TBC1D22A: variants seen among roughly 807,000 people sequenced by gnomAD.
TBC1D22A encodes the protein TBC1 domain family member 22A.
TBC1D22A carries 38 observed loss-of-function variants against 60.2 expected under a neutral mutation model. The observed-to-expected ratio is 0.63, with a 90% CI of 0.49 to 0.83. TBC1D22A has a LOEUF of 0.83. Among genes scored for constraint, TBC1D22A ranks in the 40% least tolerant of loss-of-function variants. TBC1D22A has a pLI of 0.00. For missense variants in TBC1D22A, 628 were observed against 701.0 expected (o/e 0.90, Z 1.18); for synonymous variants, 302 against 281.7 (o/e 1.07, Z -0.72).
chr22:46,786,199 T>C (rs2084152747), intron 1 of TBC1D22A, among the ~76,000 whole-genome samples: 1 of 152,240 alleles, frequency 6.6e-6, no homozygotes, highest in Non-Finnish European at 1.5e-5. Flanking sequence ...AATTCCTAGT[T>C]TGTTGATAAT....
At chr22:47,156,197 A>AGGT (rs1433233938) in intron 12 of TBC1D22A, among the ~76,000 whole-genome samples, 1 of 152,236 alleles carries the variant, frequency 6.6e-6, no homozygotes, top group Non-Finnish European at 1.5e-5. Flanking sequence ...GGAAGGTGAC[A>AGGT]GGTAGTGTCT....
At chr22:47,136,830 G>T (rs1479776990) in intron 12 of TBC1D22A, among the ~76,000 whole-genome samples, 1 of 152,134 alleles carries the variant, frequency 6.6e-6, no homozygotes, top group Non-Finnish European at 1.5e-5. Context: ...GACCCCTCTT[G>T]CACCCTGTTG....
At chr22:46,941,677 A>ATG (rs1315829952) in intron 8 of TBC1D22A, among the ~76,000 whole-genome samples, 4 of 146,676 alleles carry the variant, frequency 2.7e-5, no homozygotes, top group Admixed American at 6.9e-5. Context: ...GAATATATAT[A>ATG]CGGAATATAT....
Position 46,793,481 on chromosome 22 carries a change from A to C in TBC1D22A, c.120-20A>C. The C allele has an allele frequency of 6.2e-7, 1 of 1,613,730 alleles. No individual in the cohort carries two copies. Among genetic ancestry groups the C allele is most frequent in the Non-Finnish European group, 8.5e-7 (1 of 1,179,752 alleles). ...GAAGCCTTCGAGCATGTACGAGTAA[A>C]GACTGCCTTTGCATTGCAGTTTGCT... is the stretch of plus-strand genomic sequence containing the variant. On this transcript the variant is annotated intron_variant, in intron 2 of 12. Coordinates refer to ENST00000337137, the MANE Select transcript of TBC1D22A (RefSeq NM_014346.5).
intron 11 of TBC1D22A, among the ~76,000 whole-genome samples, chr22:47,043,233 G>C (rs960908176): frequency 1.3e-5 from 2 of 152,246 alleles, no homozygotes; most frequent in Non-Finnish European, 2.9e-5. Context: ...GTCCTGAATT[G>C]AGATCTGTGC....
chr22:47,024,404 TTTAA>T (rs1404990534), intron 10 of TBC1D22A, among the ~76,000 whole-genome samples: 1 of 152,210 alleles, frequency 6.6e-6, no homozygotes, highest in Non-Finnish European at 1.5e-5. Context: ...ATCTAGACAC[TTTAA>T]TTAAAAGGCA....
At chr22:46,817,260 C>CTTTTTTTTT (rs139583) in intron 4 of TBC1D22A, among the ~76,000 whole-genome samples, 1 of 148,326 alleles carries the variant, frequency 6.7e-6, no homozygotes. Flanking sequence ...CTAGGTTGTC[C>CTTTTTTTTT]TTTTTTTTTT....
intron 9 of TBC1D22A, among the ~76,000 whole-genome samples, chr22:46,997,077 C>T (rs1326359582): frequency 1.3e-5 from 2 of 152,192 alleles, no homozygotes; most frequent in African/African-American, 4.8e-5. Context: ...GCAGACCTTC[C>T]TATGTTAGTG....
chr22:47,168,745 A>G (rs2147227701), intron 12 of TBC1D22A, among the ~76,000 whole-genome samples: 1 of 125,820 alleles, frequency 7.9e-6, no homozygotes, highest in South Asian at 2.6e-4. Context: ...TCACCGTCTC[A>G]CCCTTCCTGG....
rs9615435 is a variant in TBC1D22A, at chr22:46,995,033, C to T, written c.1126-2601C>T. Among the ~76,000 whole-genome samples the T allele has an allele frequency of 2.6e-3, 391 of 152,364 alleles. 4 individuals carry two copies. Among genetic ancestry groups the T allele is most frequent in the Non-Finnish European group, 3.5e-3 (235 of 68,032 alleles). On this transcript the variant is annotated intron_variant, in intron 9 of 12. Coordinates refer to ENST00000337137, the MANE Select transcript of TBC1D22A (RefSeq NM_014346.5). Reference sequence around the variant, plus strand: ...CAGCCGGACAGGTGCCTGGGTCTCACTGACACCATCGCAGCTCCTTCAGGG... The same window carrying T: ...CAGCCGGACAGGTGCCTGGGTCTCATTGACACCATCGCAGCTCCTTCAGGG...
intron 4 of TBC1D22A, among the ~76,000 whole-genome samples, chr22:46,810,242 A>G (rs950886038): frequency 2.0e-5 from 3 of 152,240 alleles, no homozygotes; most frequent in African/African-American, 7.2e-5. Context: ...TAAAACATTT[A>G]CAGTGGTTCC....
At chr22:46,997,552 T>G in intron 9 of TBC1D22A, 82 bp from the exon 10 acceptor site, 1 of 1,143,040 alleles carries the variant, frequency 8.7e-7, no homozygotes, top group Non-Finnish European at 1.3e-6. Context: ...AGCTGTTCAC[T>G]TTATCCCAGC....
chr22:46,943,406 A>G (rs2072301951), intron 8 of TBC1D22A, among the ~76,000 whole-genome samples: 1 of 152,224 alleles, frequency 6.6e-6, no homozygotes, highest in African/African-American at 2.4e-5. Context: ...CCCAAGGCAG[A>G]CAAAGAATTT....
chr22:46,873,379 A>G (rs556967505), intron 4 of TBC1D22A, among the ~76,000 whole-genome samples: 94 of 152,356 alleles, frequency 6.2e-4, no homozygotes, highest in African/African-American at 2.2e-3. Context: ...GGCTAAAATA[A>G]AAAGACTGAC....
intron 7 of TBC1D22A, among the ~76,000 whole-genome samples, chr22:46,904,130 T>C (rs367726095): frequency 9.2e-4 from 89 of 96,774 alleles, no homozygotes; most frequent in African/African-American, 4.2e-3. Flanking sequence ...TATCTATCTA[T>C]CTATCTATCT....
chr22:46,887,725 G>A (rs548984446), intron 5 of TBC1D22A, among the ~76,000 whole-genome samples: 19 of 152,308 alleles, frequency 1.2e-4, no homozygotes, highest in African/African-American at 4.3e-4. Flanking sequence ...GTGATGGTCT[G>A]GCTTTGACCT....
chr22:46,834,779 C>G (rs1276278027), intron 4 of TBC1D22A, among the ~76,000 whole-genome samples: 1 of 152,220 alleles, frequency 6.6e-6, no homozygotes, highest in Non-Finnish European at 1.5e-5. Flanking sequence ...GACACCCCCA[C>G]CTAGCCCACA....
At chr22:47,167,441 C>T (rs2068250775) in intron 12 of TBC1D22A, among the ~76,000 whole-genome samples, 1 of 152,210 alleles carries the variant, frequency 6.6e-6, no homozygotes, top group Admixed American at 6.5e-5. Flanking sequence ...TCTTTGCTCC[C>T]ATAACTCGGC....
At chr22:46,843,025 C>T (rs907342069) in intron 4 of TBC1D22A, among the ~76,000 whole-genome samples, 5 of 152,190 alleles carry the variant, frequency 3.3e-5, no homozygotes, top group Non-Finnish European at 7.3e-5. Context: ...TGCAGTGCCT[C>T]GAGCACACTG....
Sources: allele counts gnomAD v4.1 joint callset (sites outside exome capture counted in the v4.1 genomes callset), GRCh38; gene constraint gnomAD v4.1.1; transcripts MANE v1.5; gene names NCBI Gene and HGNC (gene_info 2026-07-23, HGNC 2026-07-21).